The following NRG1 variants were observed in gnomAD, a reference collection of about 807,000 sequenced individuals.
NRG1 encodes the protein pro-neuregulin-1, membrane-bound isoform.
Under a neutral mutation model 63.8 loss-of-function variants are expected in NRG1, and 18 were observed. The ratio of observed to expected loss-of-function variants is 0.28; its 90% CI spans 0.19 to 0.42. The LOEUF (loss-of-function observed/expected upper bound fraction) is 0.42. Ranked by LOEUF, NRG1 falls within the 10% of genes least tolerant of loss-of-function variation. The pLI is 1.00. For missense variants in NRG1, 762 were observed against 814.7 expected, an observed-to-expected ratio of 0.94 and a Z score of 0.79; for synonymous variants, 302 against 301.3, an observed-to-expected ratio of 1.00 and a Z score of -0.02.
chr8:31,896,030 G>T (rs1171410853), intron 1 of NRG1, among the ~76,000 whole-genome samples: 1 of 151,938 alleles, frequency 6.6e-6, no homozygotes, highest in South Asian at 2.1e-4. Context: ...ACGTGTTTTT[G>T]CCCATTTTCT....
chr8:32,517,421 G>A (rs1361433709), intron 1 of NRG1, among the ~76,000 whole-genome samples: 2 of 152,054 alleles, frequency 1.3e-5, no homozygotes, highest in African/African-American at 4.8e-5. Context: ...CATGTGGGGC[G>A]GCCAGCAGAA....
intron 1 of NRG1, among the ~76,000 whole-genome samples, chr8:31,657,482 T>C (rs1805542627): frequency 6.6e-6 from 1 of 152,170 alleles, no homozygotes; most frequent in African/African-American, 2.4e-5. Context: ...AGTGTGCAAA[T>C]TCCTGGACTA....
At chr8:31,872,788 A>G (rs1045667186) in intron 1 of NRG1, among the ~76,000 whole-genome samples, 4 of 152,246 alleles carry the variant, frequency 2.6e-5, no homozygotes, top group Non-Finnish European at 5.9e-5. Flanking sequence ...AGTGCTATGT[A>G]AACTTGGGAT....
At chr8:31,823,193 G>A (rs929754230) in intron 1 of NRG1, among the ~76,000 whole-genome samples, 2 of 147,184 alleles carry the variant, frequency 1.4e-5, no homozygotes, top group African/African-American at 5.0e-5. Flanking sequence ...AATGTCAGCA[G>A]GACAAGGATG....
intron 1 of NRG1, among the ~76,000 whole-genome samples, chr8:32,350,591 C>T (rs1805477030): frequency 2.0e-5 from 3 of 152,060 alleles, no homozygotes; most frequent in South Asian, 4.1e-4. Flanking sequence ...AGGAGGTCCT[C>T]GTTAAGAGAT....
chr8:31,846,345 G>A (rs1423964235), intron 1 of NRG1, among the ~76,000 whole-genome samples: 1 of 152,162 alleles, frequency 6.6e-6, no homozygotes, highest in Non-Finnish European at 1.5e-5. Context: ...CAGGCTGAAA[G>A]GCCTAAAGGC....
intron 1 of NRG1, among the ~76,000 whole-genome samples, chr8:31,714,307 G>A (rs1374061188): frequency 6.6e-6 from 1 of 151,936 alleles, no homozygotes; most frequent in Non-Finnish European, 1.5e-5. Context: ...GACATTTTGG[G>A]ATAATTTTAT....
intron 1 of NRG1, among the ~76,000 whole-genome samples, chr8:32,386,679 G>A (rs558261614): frequency 2.0e-5 from 3 of 152,278 alleles, no homozygotes; most frequent in African/African-American, 7.2e-5. Flanking sequence ...CCCAGTTTGG[G>A]CAGAAACAGG....
intron 1 of NRG1, among the ~76,000 whole-genome samples, chr8:31,974,592 A>C (rs1807852030): frequency 6.6e-6 from 1 of 152,088 alleles, no homozygotes; most frequent in Non-Finnish European, 1.5e-5. Flanking sequence ...CATCTATTCT[A>C]TGCCAGGCAC....
chr8:32,139,196 T>G (rs965205533), intron 1 of NRG1: 1 of 152,238 alleles, frequency 6.6e-6, no homozygotes, highest in African/African-American at 2.4e-5. Flanking sequence ...TTTCTTCTTC[T>G]ATGTCCTTTT....
At chr8:32,087,280 A>T (rs1828367835) in intron 1 of NRG1, among the ~76,000 whole-genome samples, 1 of 151,960 alleles carries the variant, frequency 6.6e-6, no homozygotes, top group Admixed American at 6.6e-5. Context: ...CTCTGAGTTC[A>T]TGTGAGATCT....
chr8:32,175,001 T>C (rs1165205571), intron 1 of NRG1, among the ~76,000 whole-genome samples: 1 of 152,198 alleles, frequency 6.6e-6, no homozygotes, highest in African/African-American at 2.4e-5. Flanking sequence ...ACCATCCTGA[T>C]ACCAAAGCCT....
At chr8:32,016,677 A>G (rs1317612307) in intron 1 of NRG1, among the ~76,000 whole-genome samples, 1 of 152,178 alleles carries the variant, frequency 6.6e-6, no homozygotes, top group African/African-American at 2.4e-5. Context: ...TCAAATCTAC[A>G]GTTTTCCGTT....
At chr8:32,608,097 T>TTTTTTTG (rs1845633070) in intron 3 of NRG1, among the ~76,000 whole-genome samples, 1 of 123,402 alleles carries the variant, frequency 8.1e-6, no homozygotes, top group African/African-American at 3.4e-5. Context: ...TTTTTGTTTT[T>TTTTTTTG]TTTTTTTTTG....
intron 1 of NRG1, among the ~76,000 whole-genome samples, chr8:31,751,984 A>C (rs1816521460): frequency 6.6e-6 from 1 of 152,002 alleles, no homozygotes. Context: ...TGTATTTGCC[A>C]TTCCTGTGAC....
At chr8:32,104,495 CTTCT>C (rs1175943217) in intron 1 of NRG1, among the ~76,000 whole-genome samples, 19 of 152,118 alleles carry the variant, frequency 1.2e-4, no homozygotes, top group African/African-American at 4.3e-4. Context: ...ATAGAAAAAT[CTTCT>C]TTCTTCAATA....
intron 1 of NRG1, among the ~76,000 whole-genome samples, chr8:31,687,628 G>C (rs979901262): frequency 6.6e-6 from 1 of 152,200 alleles, no homozygotes; most frequent in African/African-American, 2.4e-5. Context: ...GATCATGTGG[G>C]AGGTAGACTC....
chr8:32,270,966 C>T (rs1487240116), intron 1 of NRG1, among the ~76,000 whole-genome samples: 2 of 152,056 alleles, frequency 1.3e-5, no homozygotes, highest in Non-Finnish European at 2.9e-5. Flanking sequence ...CTTCTGCTGC[C>T]CCTAAATTAA....
intron 1 of NRG1, among the ~76,000 whole-genome samples, chr8:32,260,471 C>G (rs1462898522): frequency 6.6e-6 from 1 of 152,234 alleles, no homozygotes; most frequent in African/African-American, 2.4e-5. Context: ...GGCCTTAGTG[C>G]TCAGGTCTTT....
Sources: gnomAD v4.1 joint callset for allele counts (sites outside exome capture counted in the v4.1 genomes callset) on GRCh38, gnomAD v4.1.1 for gene constraint, MANE v1.5 for transcripts, NCBI Gene and HGNC (gene_info 2026-07-23, HGNC 2026-07-21) for gene names.